The following BRIP1 variants were observed in gnomAD, a reference collection of about 807,000 sequenced individuals.
BRIP1 encodes BRCA1 interacting DNA helicase 1, also known as Fanconi anemia group J protein.
Under a neutral mutation model 119.7 loss-of-function variants are expected in BRIP1, and 88 were observed. The observed-to-expected ratio is 0.74, with a 90% CI of 0.62 to 0.88. The LOEUF is 0.88. Ranked by LOEUF, BRIP1 falls within the 40% of genes least tolerant of loss-of-function variation. BRIP1 has a pLI of 0.00. For synonymous variants in BRIP1, 443 were observed against 496.5 expected, an observed-to-expected ratio of 0.89 and a Z score of 1.43; for missense variants, 1,259 against 1,455.4, an observed-to-expected ratio of 0.87 and a Z score of 2.20.
chr17:61,811,750 A>C (rs374336005), intron 6 of BRIP1, among the ~76,000 whole-genome samples: 1 of 151,340 alleles, frequency 6.6e-6, no homozygotes, highest in Non-Finnish European at 1.5e-5. Context: ...TCAGGAGTTC[A>C]AGACTAGCCT....
At position 61,799,017 on chromosome 17, in the gene BRIP1, A is replaced by G; in HGVS notation, c.1340+83T>C. ...CAAGAAGCCTAGTTAACCAAAGTTT[A>G]CTAACTTTAAATACTCTGGCATAAT... On this transcript the variant is annotated intron_variant, in intron 9 of 19. Coordinates refer to ENST00000259008, the MANE Select transcript of BRIP1 (RefSeq NM_032043.3). The surrounding 1 kb of genome is among the most constrained non-coding windows in gnomAD (Gnocchi z 5.1). 1.5e-6 allele frequency: 2 copies of G among 1,358,118 alleles called. No homozygotes were observed. The highest frequency in any genetic ancestry group is 2.1e-6 in the Non-Finnish European group (2 of 952,958). 84.1% of individuals were successfully genotyped at this position (1,358,118 alleles called of 1,614,324 possible).
At position 61,823,557 on chromosome 17, in the gene BRIP1, A is replaced by G. The variant is rs1447300791; in HGVS notation, c.628-14800T>C. On this transcript the variant is annotated intron_variant, in intron 6 of 19. Coordinates refer to ENST00000259008, the MANE Select transcript of BRIP1 (RefSeq NM_032043.3). This position sits in a 1 kb window ranked among gnomAD's most constrained non-coding sequence, Gnocchi z 4.8. ...AGAAGGTAGACAAAATGAAGCACAA[A>G]GAAGAAAAAATAGCTTAAAAAATGA... is the stretch of plus-strand genomic sequence containing the variant. Among the ~76,000 whole-genome samples the G allele has an allele frequency of 6.6e-6, 1 of 152,236 alleles. No homozygotes were observed. The highest frequency in any genetic ancestry group is 1.5e-5 in the Non-Finnish European group (1 of 68,040).
intron 19 of BRIP1, chr17:61,685,015 G>A (rs556470215): frequency 4.3e-4 from 65 of 152,164 alleles, no homozygotes; most frequent in African/African-American, 1.6e-3. Flanking sequence ...TTGGATATAT[G>A]AATTAAAACA....
At chr17:61,698,096 G>A (rs950515057) in intron 17 of BRIP1, among the ~76,000 whole-genome samples, 4 of 152,170 alleles carry the variant, frequency 2.6e-5, no homozygotes, top group African/African-American at 7.2e-5. Context: ...GTGAGCCACC[G>A]TGCCTGGCCT....
rs1477219694 is a variant in BRIP1, at chr17:61,725,461, G to T, written c.2380-9398C>A. On this transcript the variant is annotated intron_variant, in intron 16 of 19. Coordinates refer to ENST00000259008, the MANE Select transcript of BRIP1 (RefSeq NM_032043.3). This position sits in a 1 kb window ranked among gnomAD's most constrained non-coding sequence, Gnocchi z 5.3. ...CTGGATATTTCAAATTTAAGAAATA[G>T]AACAAAATATATCCCTCTGAAATCA... Among the ~76,000 whole-genome samples, 7 of 151,998 alleles carry T rather than the reference G, an allele frequency of 4.6e-5. No homozygotes were observed. The highest frequency in any genetic ancestry group is 1.0e-4 in the Non-Finnish European group (7 of 67,968).
intron 16 of BRIP1, among the ~76,000 whole-genome samples, chr17:61,728,567 A>C (rs555828070): frequency 6.6e-6 from 1 of 152,340 alleles, no homozygotes; most frequent in East Asian, 1.9e-4. Context: ...TTTGACCTGC[A>C]GGAGTTCAGA....
rs878916343 is a variant in BRIP1 at position 61,816,026 on chromosome 17, T to C, written c.628-7269A>G. Among the ~76,000 whole-genome samples the C allele has an allele frequency of 2.6e-5, 4 of 152,262 alleles. No individual in the cohort carries two copies. In the East Asian group the frequency reaches 7.7e-4, roughly 29 times the overall value. On this transcript the variant is annotated intron_variant, in intron 6 of 19. Transcript: ENST00000259008. This position sits in a 1 kb window ranked among gnomAD's most constrained non-coding sequence, Gnocchi z 5.0. ...ATTCTTTTTTTAAAAATTCAAACAG[T>C]AGTAGTACCCTACTGCCACCGTTTC...
chr17:61,862,988 T>A lies in BRIP1; in HGVS notation c.-31+296A>T, dbSNP rs995489773. Among the ~76,000 whole-genome samples, 1 of 152,172 alleles carries A rather than the reference T, an allele frequency of 6.6e-6. No individual in the cohort carries two copies. The highest frequency in any genetic ancestry group is 2.4e-5 in the African/African-American group (1 of 41,430). ...ATAATCTAGAAATCAGCCCGTCCTGTACCCCGGCTGTGGCAACAATAGTGT... is the reference window on the plus strand; with the variant it reads ...ATAATCTAGAAATCAGCCCGTCCTGAACCCCGGCTGTGGCAACAATAGTGT... On this transcript the variant is annotated intron_variant, in intron 1 of 19. Transcript: ENST00000259008. The surrounding 1 kb of genome is among the most constrained non-coding windows in gnomAD (Gnocchi z 5.3).
rs531982683 is a variant in BRIP1 at position 61,700,169 on chromosome 17, A to T, written c.2493-6657T>A. On this transcript the variant is annotated intron_variant, in intron 17 of 19. Transcript: ENST00000259008. This position sits in a 1 kb window ranked among gnomAD's most constrained non-coding sequence, Gnocchi z 4.1. ...TGGCAACCCACAAGACAATCACCAC[A>T]GATTTACAATTATTGTTTTATGCAG... Among the ~76,000 whole-genome samples, 15 of 152,226 alleles carry T rather than the reference A, an allele frequency of 9.9e-5. No homozygotes were observed. Among genetic ancestry groups the T allele is most frequent in the Admixed American group, 2.0e-4 (3 of 15,286 alleles).
chr17:61,696,694 A>C (rs1228482617), intron 17 of BRIP1, among the ~76,000 whole-genome samples: 1 of 151,216 alleles, frequency 6.6e-6, no homozygotes, highest in African/African-American at 2.4e-5. Context: ...CACAAAAAAA[A>C]AAAAAAAAAG....
In BRIP1 at chr17:61,801,317, A is replaced by G. The variant is rs2145334735; in HGVS notation, c.1076T>C (p.Ile359Thr). ...ACAAAATATGATGTCAGCATCTTGT[A>G]TTAGTTCTCGGGCTGTGTAATATGG... ...ACPYYTARELIQDADIIFCPY... is the reference protein window; with the variant it reads ...ACPYYTARELTQDADIIFCPY... Residue 359 changes from isoleucine to threonine, a missense_variant, in exon 8 of 20, where the codon ATA becomes ACA. Physicochemically the swap from Ile to Thr is moderately conservative, Grantham distance 89 (BLOSUM62 -1). Transcript: ENST00000259008. 6.2e-7 allele frequency: 1 copy of G among 1,614,050 alleles called. No individual in the cohort carries two copies. The highest frequency in any genetic ancestry group is 8.5e-7 in the Non-Finnish European group (1 of 1,179,942).
At position 61,856,283 on chromosome 17, in the gene BRIP1, GGATAC is replaced by G. The variant is rs1365640912; in HGVS notation, c.379+770_379+774del. Among the ~76,000 whole-genome samples the G allele has an allele frequency of 6.6e-6, 1 of 152,150 alleles. No individual in the cohort carries two copies. The highest frequency in any genetic ancestry group is 1.5e-5 in the Non-Finnish European group (1 of 68,030). On this transcript the variant is annotated intron_variant, in intron 4 of 19. Coordinates refer to ENST00000259008, the MANE Select transcript of BRIP1 (RefSeq NM_032043.3). This position sits in a 1 kb window ranked among gnomAD's most constrained non-coding sequence, Gnocchi z 5.1. The stretch of plus-strand genomic sequence containing the variant: ...GACTCCATCCTTGATTTTAGGAAAT[GGATAC>G]TCTTTGTTTTGACTTAAGTCAATCA...
At position 61,706,762 on chromosome 17, in the gene BRIP1, C is replaced by A. The variant is rs2061695847; in HGVS notation, c.2492+9189G>T. Among the ~76,000 whole-genome samples the A allele has an allele frequency of 6.6e-6, 1 of 152,154 alleles. No homozygotes were observed. Among genetic ancestry groups the A allele is most frequent in the Non-Finnish European group, 1.5e-5 (1 of 68,004 alleles). ...ATTAGATTTCCTTTATTGTACAAGA[C>A]TTTTTGCCTTCCCTGGAGTTAATAA... On this transcript the variant is annotated intron_variant, in intron 17 of 19. Coordinates refer to ENST00000259008, the MANE Select transcript of BRIP1 (RefSeq NM_032043.3). The surrounding 1 kb of genome is among the most constrained non-coding windows in gnomAD (Gnocchi z 5.7).
Position 61,841,748 on chromosome 17 carries a change from T to A in BRIP1, c.627+5353A>T, listed in dbSNP as rs1004383953. ...TCTAGAGTACAGTAGCATGATCATA[T>A]CTCACCACAGTCTGAAACTCCTAGA... is the stretch of plus-strand genomic sequence containing the variant. On this transcript the variant is annotated intron_variant, in intron 6 of 19. Transcript: ENST00000259008. The surrounding 1 kb of genome is among the most constrained non-coding windows in gnomAD (Gnocchi z 4.1). Among the ~76,000 whole-genome samples the A allele has an allele frequency of 4.6e-5, 7 of 152,134 alleles. No homozygotes were observed. Among genetic ancestry groups the A allele is most frequent in the African/African-American group, 1.7e-4 (7 of 41,426 alleles).
chr17:61,849,301 T>A (rs368011557), intron 4 of BRIP1, 45 bp from the exon 5 acceptor site: 52 of 1,552,854 alleles, frequency 3.3e-5, no homozygotes, highest in Non-Finnish European at 4.5e-5. Context: ...AACTTACAGG[T>A]AGGCAATTTT....
rs570564130 is a variant in BRIP1 at position 61,686,874 on chromosome 17, T to C, written c.2576-709A>G. On this transcript the variant is annotated intron_variant, in intron 18 of 19. Coordinates refer to ENST00000259008, the MANE Select transcript of BRIP1 (RefSeq NM_032043.3). This position sits in a 1 kb window ranked among gnomAD's most constrained non-coding sequence, Gnocchi z 5.4. ...ATGCAAAATCAGGTATTTGGACTTT[T>C]ACAAAATAAATATTCCCTGCTAACA... Among the ~76,000 whole-genome samples, 1 of 152,334 alleles carries C rather than the reference T, an allele frequency of 6.6e-6. No individual in the cohort carries two copies. The highest frequency in any genetic ancestry group is 1.9e-4 in the East Asian group (1 of 5,192).
chr17:61,839,587 ATCT>A (rs1249069958), intron 6 of BRIP1, among the ~76,000 whole-genome samples: 4 of 152,182 alleles, frequency 2.6e-5, no homozygotes, highest in African/African-American at 9.6e-5. Context: ...TATCTCTTAC[ATCT>A]TCTTGCAAAC....
Position 61,774,733 on chromosome 17 carries a change from T to C in BRIP1, c.2097+1668A>G, listed in dbSNP as rs1793610805. Among the ~76,000 whole-genome samples the C allele has an allele frequency of 6.6e-6, 1 of 152,242 alleles. No homozygotes were observed. The highest frequency in any genetic ancestry group is 1.5e-5 in the Non-Finnish European group (1 of 68,032). On this transcript the variant is annotated intron_variant, in intron 14 of 19. Coordinates refer to ENST00000259008, the MANE Select transcript of BRIP1 (RefSeq NM_032043.3). The surrounding 1 kb of genome is among the most constrained non-coding windows in gnomAD (Gnocchi z 5.8). ...ATTCGAAGGATTTCCTGTGTCTTTATTTTTAATTGAAAAGCTAGAAGCAGA... is the reference window on the plus strand; with the variant it reads ...ATTCGAAGGATTTCCTGTGTCTTTACTTTTAATTGAAAAGCTAGAAGCAGA...
rs141709056 is a variant in BRIP1, at chr17:61,846,438, T to A, written c.627+663A>T. Among the ~76,000 whole-genome samples the A allele has an allele frequency of 5.5e-4, 83 of 151,768 alleles. No homozygotes were observed. Among genetic ancestry groups the A allele is most frequent in the Non-Finnish European group, 1.1e-3 (75 of 67,912 alleles). ...TCTCACTCTGTCATCCAGGCTGGAGTGCAGTGTGGTGCAATCTTGGCTCAG... is the reference window on the plus strand; with the variant it reads ...TCTCACTCTGTCATCCAGGCTGGAGAGCAGTGTGGTGCAATCTTGGCTCAG... On this transcript the variant is annotated intron_variant, in intron 6 of 19. Coordinates refer to ENST00000259008, the MANE Select transcript of BRIP1 (RefSeq NM_032043.3). This position sits in a 1 kb window ranked among gnomAD's most constrained non-coding sequence, Gnocchi z 4.3.
Sources: gnomAD v4.1 joint callset for allele counts (sites outside exome capture counted in the v4.1 genomes callset) on GRCh38, gnomAD v4.1.1 for gene constraint, Gnocchi (gnomAD v3.1) non-coding constraint, MANE v1.5 for transcripts, NCBI Gene and HGNC (gene_info 2026-07-23, HGNC 2026-07-21) for gene names.